Variants in MALRD1 observed in about 807,000 individuals in gnomAD.
The protein encoded by MALRD1 is MAM and LDL receptor class A domain containing 1, also known as MAM and LDL-receptor class A domain-containing protein 1.
In MALRD1, 247 loss-of-function variants were observed where a neutral mutation model predicts 242.1. The ratio of observed to expected loss-of-function variants is 1.02; its 90% CI spans 0.92 to 1.13. The LOEUF (loss-of-function observed/expected upper bound fraction) is 1.13. Ranked by LOEUF, MALRD1 falls within the 50% of genes most tolerant of loss-of-function variation. The pLI, the probability that MALRD1 is intolerant of heterozygous loss-of-function variation, is 0.00. For synonymous variants in MALRD1, 995 were observed against 866.6 expected (o/e 1.15, Z -2.60); for missense variants, 2,989 against 2,533.1 (o/e 1.18, Z -3.86).
chr10:19,320,381 C>A (rs999876205), intron 21 of MALRD1, among the ~76,000 whole-genome samples: 1 of 152,020 alleles, frequency 6.6e-6, no homozygotes, highest in Non-Finnish European at 1.5e-5. Flanking sequence ...TCATCCATGT[C>A]CCTGCAAAGG....
chr10:19,415,715 G>A (rs544508945), intron 28 of MALRD1, among the ~76,000 whole-genome samples: 40 of 152,136 alleles, frequency 2.6e-4, no homozygotes, highest in African/African-American at 8.9e-4. Context: ...TTTTTTAAAA[G>A]ACCCTAGGAC....
Position 19,150,631 on chromosome 10 carries a change from T to G in MALRD1, c.1558+4287T>G, listed in dbSNP as rs764177726. ...AATTACAGGACTTAACTCATTTGTT[T>G]CCCCTCTCTCAGAGATCACTATCCT... is the stretch of plus-strand genomic sequence containing the variant. On this transcript the variant is annotated intron_variant, in intron 11 of 39. Transcript: ENST00000454679. Among the ~76,000 whole-genome samples, 5 of 152,270 alleles carry G rather than the reference T, an allele frequency of 3.3e-5. No individual in the cohort carries two copies. In the South Asian group the frequency reaches 1.0e-3, roughly 32 times the overall value.
intron 28 of MALRD1, among the ~76,000 whole-genome samples, chr10:19,401,272 T>G (rs1387409807): frequency 6.6e-6 from 1 of 152,212 alleles, no homozygotes; most frequent in Non-Finnish European, 1.5e-5. Context: ...ACTGCTTTCA[T>G]TGTTTCTATA....
chr10:19,328,492 C>A (rs772481726), intron 23 of MALRD1, among the ~76,000 whole-genome samples: 1 of 152,034 alleles, frequency 6.6e-6, no homozygotes, highest in African/African-American at 2.4e-5. Context: ...GGATAAAATT[C>A]TTGTTAAATA....
chr10:19,699,458 G>C (rs1833523254), intron 38 of MALRD1, among the ~76,000 whole-genome samples: 1 of 152,142 alleles, frequency 6.6e-6, no homozygotes, highest in Non-Finnish European at 1.5e-5. Context: ...GGGTTGTTCA[G>C]GCAGTGCTCA....
At chr10:19,311,650 C>T (rs1842429842) in intron 21 of MALRD1, among the ~76,000 whole-genome samples, 1 of 151,382 alleles carries the variant, frequency 6.6e-6, no homozygotes, top group Non-Finnish European at 1.5e-5. Context: ...TCAATATAAT[C>T]AACACTGTTT....
intron 18 of MALRD1, among the ~76,000 whole-genome samples, chr10:19,216,119 C>CTTTTTTTCTT (rs1837304389): frequency 8.1e-6 from 1 of 122,814 alleles, no homozygotes; most frequent in Non-Finnish European, 1.6e-5. Context: ...TTCTTTCTTT[C>CTTTTTTTCTT]TTTTTTTTTT....
At chr10:19,602,854 C>T (rs1362092279) in intron 34 of MALRD1, among the ~76,000 whole-genome samples, 2 of 152,030 alleles carry the variant, frequency 1.3e-5, no homozygotes, top group Non-Finnish European at 2.9e-5. Flanking sequence ...CTCTCCAGCA[C>T]CTGTTGTTTC....
intron 31 of MALRD1, among the ~76,000 whole-genome samples, chr10:19,515,886 A>G (rs1833605805): frequency 6.6e-6 from 1 of 152,150 alleles, no homozygotes. Context: ...CTTCTTGCTG[A>G]TAAGAACGTT....
intron 5 of MALRD1, among the ~76,000 whole-genome samples, chr10:19,111,811 T>G (rs1465063938): frequency 6.6e-6 from 1 of 152,198 alleles, no homozygotes; most frequent in Non-Finnish European, 1.5e-5. Flanking sequence ...GTTTTTGTTT[T>G]TCAAGTAAAA....
chr10:19,636,034 G>C (rs1460944860), intron 36 of MALRD1, among the ~76,000 whole-genome samples: 1 of 151,854 alleles, frequency 6.6e-6, no homozygotes, highest in Non-Finnish European at 1.5e-5. Flanking sequence ...CCCAGTAGCT[G>C]GGATTACAGA....
chr10:19,068,051 T>G (rs1835033050), intron 2 of MALRD1, among the ~76,000 whole-genome samples: 1 of 152,158 alleles, frequency 6.6e-6, no homozygotes, highest in Admixed American at 6.6e-5. Flanking sequence ...TTATGTTAGA[T>G]GGTGATATTG....
intron 33 of MALRD1, among the ~76,000 whole-genome samples, chr10:19,576,914 C>T (rs1836856353): frequency 6.7e-6 from 1 of 148,948 alleles, no homozygotes; most frequent in Non-Finnish European, 1.5e-5. Flanking sequence ...ATATCTGTAG[C>T]TTTTTCTCTG....
chr10:19,504,435 T>A (rs1298239789), intron 31 of MALRD1, among the ~76,000 whole-genome samples: 1 of 152,026 alleles, frequency 6.6e-6, no homozygotes, highest in Non-Finnish European at 1.5e-5. Flanking sequence ...GAGACTCCCC[T>A]ACTTCTACTA....
At chr10:19,170,360 T>G (rs1281894856) in intron 13 of MALRD1, among the ~76,000 whole-genome samples, 1 of 152,220 alleles carries the variant, frequency 6.6e-6, no homozygotes, top group African/African-American at 2.4e-5. Context: ...AGTAGTCCAT[T>G]GATTTCAAGT....
At chr10:19,234,674 TC>T (rs1838224703) in intron 18 of MALRD1, among the ~76,000 whole-genome samples, 2 of 152,218 alleles carry the variant, frequency 1.3e-5, no homozygotes, top group Admixed American at 6.5e-5. Flanking sequence ...ATAGATATAA[TC>T]TTTTGTTCCT....
chr10:19,371,085 A>T (rs1484614073), intron 26 of MALRD1, among the ~76,000 whole-genome samples: 41 of 116,028 alleles, frequency 3.5e-4, no homozygotes, highest in Non-Finnish European at 6.7e-4. Context: ...CCCTCTCTCT[A>T]CGAAATTAAA....
intron 26 of MALRD1, among the ~76,000 whole-genome samples, chr10:19,376,862 T>C (rs1362062258): frequency 1.3e-5 from 2 of 152,118 alleles, no homozygotes; most frequent in Admixed American, 1.3e-4. Flanking sequence ...ATTATTCTAG[T>C]TCACCTTAAT....
At chr10:19,560,870 G>A (rs987556196) in intron 32 of MALRD1, among the ~76,000 whole-genome samples, 8 of 151,970 alleles carry the variant, frequency 5.3e-5, no homozygotes, top group Admixed American at 4.6e-4. Flanking sequence ...ATAACGGGTT[G>A]ATGGGTACAG....
Sources: gnomAD v4.1 joint callset for allele counts (sites outside exome capture counted in the v4.1 genomes callset) on GRCh38, gnomAD v4.1.1 for gene constraint, MANE v1.5 for transcripts, NCBI Gene and HGNC (gene_info 2026-07-23, HGNC 2026-07-21) for gene names.